C1GALT1: variants seen among roughly 807,000 people sequenced by gnomAD.
C1GALT1 encodes the protein core 1 synthase, glycoprotein-N-acetylgalactosamine 3-beta-galactosyltransferase 1, also known as glycoprotein-N-acetylgalactosamine 3-beta-galactosyltransferase 1.
C1GALT1 carries 11 observed loss-of-function variants against 31.0 expected under a neutral mutation model. The ratio of observed to expected loss-of-function variants is 0.36; its 90% CI spans 0.22 to 0.59. The LOEUF (loss-of-function observed/expected upper bound fraction) is 0.59. C1GALT1 is among the 20% of genes least tolerant of loss of function. The probability of loss-of-function intolerance (pLI) is 0.79; values close to 1 mark genes in which losing one functional copy is unlikely to be tolerated. For missense variants in C1GALT1, 424 were observed against 425.2 expected (o/e 1.00, Z 0.03); for synonymous variants, 175 against 143.6 (o/e 1.22, Z -1.56).
intron 1 of C1GALT1, among the ~76,000 whole-genome samples, chr7:7,202,299 C>T (rs888883319): frequency 5.9e-5 from 9 of 152,274 alleles, no homozygotes; most frequent in African/African-American, 1.7e-4. Context: ...TAAAAGTTCA[C>T]GGTGTGAGTC....
intron 1 of C1GALT1, among the ~76,000 whole-genome samples, chr7:7,196,189 A>T (rs1258917230): frequency 6.6e-6 from 1 of 150,818 alleles, no homozygotes; most frequent in African/African-American, 2.4e-5. Context: ...CATTAGGTAT[A>T]TCTCCTAATG....
At chr7:7,210,830 A>G (rs1465865064) in intron 1 of C1GALT1, among the ~76,000 whole-genome samples, 1 of 152,238 alleles carries the variant, frequency 6.6e-6, no homozygotes, top group Non-Finnish European at 1.5e-5. Flanking sequence ...TTTGCATATG[A>G]AAGGTTGCTG....
chr7:7,203,788 C>T (rs1781616331), intron 1 of C1GALT1, among the ~76,000 whole-genome samples: 1 of 151,996 alleles, frequency 6.6e-6, no homozygotes, highest in African/African-American at 2.4e-5. Flanking sequence ...ATTAGCATAT[C>T]CATGATCTCA....
intron 1 of C1GALT1, among the ~76,000 whole-genome samples, chr7:7,218,111 C>T (rs996403797): frequency 1.3e-5 from 2 of 152,092 alleles, no homozygotes; most frequent in Non-Finnish European, 2.9e-5. Context: ...GAAAGGGGAG[C>T]AGTGGAAAGT....
chr7:7,182,374 A>G (rs1011617270), upstream of C1GALT1, among the ~76,000 whole-genome samples: 12 of 152,206 alleles, frequency 7.9e-5, no homozygotes, highest in African/African-American at 2.7e-4. Flanking sequence ...AGGGGGATAC[A>G]ACAAAATCTA....
At position 7,218,896 on chromosome 7, in the gene C1GALT1, C is replaced by T. The variant is rs530006208; in HGVS notation, c.-17-15407C>T. On this transcript the variant is annotated intron_variant, in intron 1 of 3. Transcript: ENST00000436587. ...TCGCCCAGGCTGGAGTGCGGTGGTGCAATCTCGGCTCACTGCAAGCTCCGC... is the reference window on the plus strand; with the variant it reads ...TCGCCCAGGCTGGAGTGCGGTGGTGTAATCTCGGCTCACTGCAAGCTCCGC... 1.4e-3 allele frequency among the ~76,000 whole-genome samples: 211 copies of T among 150,316 alleles called. 10 individuals carry two copies. The highest frequency in any genetic ancestry group is 1.3e-3 in the South Asian group (6 of 4,760).
At chr7:7,241,624 G>A (rs1210935634) in intron 3 of C1GALT1, among the ~76,000 whole-genome samples, 2 of 151,798 alleles carry the variant, frequency 1.3e-5, no homozygotes, top group African/African-American at 4.8e-5. Flanking sequence ...CAATATTTTT[G>A]TTACTGTTCT....
intron 2 of C1GALT1, among the ~76,000 whole-genome samples, chr7:7,175,768 C>T (rs919367108): frequency 6.6e-6 from 1 of 152,002 alleles, no homozygotes; most frequent in African/African-American, 2.4e-5. Context: ...CTAGCAAGTC[C>T]AAGATCCACA....
upstream of C1GALT1, chr7:7,178,317 A>C: frequency 4.4e-6 from 1 of 229,312 alleles, no homozygotes; most frequent in South Asian, 7.9e-5. Context: ...GCTATGCATC[A>C]GACTGGTCAT....
intron 1 of C1GALT1, among the ~76,000 whole-genome samples, chr7:7,207,142 CTTT>C (rs1781774218): frequency 6.6e-6 from 1 of 151,936 alleles, no homozygotes; most frequent in South Asian, 2.1e-4. Context: ...AGCCGTTTTT[CTTT>C]GTTTTCCTAA....
intron 1 of C1GALT1, among the ~76,000 whole-genome samples, chr7:7,203,028 T>C (rs1781585486): frequency 6.6e-6 from 1 of 151,966 alleles, no homozygotes; most frequent in African/African-American, 2.4e-5. Flanking sequence ...CGTAAAAATG[T>C]AACTCATTTT....
chr7:7,183,242 C>T (rs1174144136), intron 1 of C1GALT1, among the ~76,000 whole-genome samples: 1 of 152,074 alleles, frequency 6.6e-6, no homozygotes, highest in Non-Finnish European at 1.5e-5. Flanking sequence ...CCTCCCCGCC[C>T]CGCCGCAGAC....
rs1446074380 is a variant in C1GALT1 at position 7,247,631 on chromosome 7, C to T, written c.*3904C>T. ...TTGATGCACTGTACTTGAAAGAATC[C>T]CTTGATTAAATTACATCTAGCATTT... On this transcript the variant is annotated 3_prime_UTR_variant, in exon 4 of 4. Transcript: ENST00000436587. The T allele has an allele frequency of 6.6e-6, 1 of 151,986 alleles. No homozygotes were observed. Among genetic ancestry groups the T allele is most frequent in the African/African-American group, 2.4e-5 (1 of 41,394 alleles). The allele number at this position is 151,986 out of a possible 1,614,324, so 9.4% of individuals were successfully genotyped here.
intron 1 of C1GALT1, among the ~76,000 whole-genome samples, chr7:7,227,249 A>G (rs1782807346): frequency 6.6e-6 from 1 of 152,220 alleles, no homozygotes; most frequent in African/African-American, 2.4e-5. Context: ...TATGGTTTGA[A>G]TATTTGTCCC....
intron 1 of C1GALT1, among the ~76,000 whole-genome samples, chr7:7,214,144 C>T (rs1030841073): frequency 1.3e-5 from 2 of 152,080 alleles, no homozygotes; most frequent in Non-Finnish European, 2.9e-5. Context: ...AATTTGATAC[C>T]CCCCAAACTT....
chr7:7,232,908 A>T (rs1445086407), intron 1 of C1GALT1, among the ~76,000 whole-genome samples: 1 of 152,152 alleles, frequency 6.6e-6, no homozygotes, highest in Non-Finnish European at 1.5e-5. Flanking sequence ...CTCTTTCCTC[A>T]TCTGCAGACG....
intron 1 of C1GALT1, among the ~76,000 whole-genome samples, chr7:7,196,373 T>G (rs1200251556): frequency 6.6e-6 from 1 of 152,156 alleles, no homozygotes; most frequent in Non-Finnish European, 1.5e-5. Context: ...TTCTTCCATG[T>G]CCCTACAGAG....
At position 7,238,001 on chromosome 7, in the gene C1GALT1, T is replaced by C. The variant is rs554792846; in HGVS notation, c.221-254T>C. 6.6e-6 allele frequency among the ~76,000 whole-genome samples: 1 copy of C among 152,286 alleles called. No homozygotes were observed. The highest frequency in any genetic ancestry group is 1.5e-5 in the Non-Finnish European group (1 of 68,012). The stretch of plus-strand genomic sequence containing the variant: ...ATGCTGCTGCTTTTAATCAGTAAAC[T>C]ACAGTTTGAGACGAATTTAGATTAT... On this transcript the variant is annotated intron_variant, in intron 2 of 3. Coordinates refer to ENST00000436587, the MANE Select transcript of C1GALT1 (RefSeq NM_020156.5). The surrounding 1 kb of genome is among the most constrained non-coding windows in gnomAD (Gnocchi z 5.2).
In C1GALT1 at chr7:7,247,971, T is replaced by C. The variant is rs1226687119; in HGVS notation, c.*4244T>C. The C allele has an allele frequency of 6.6e-6, 1 of 152,048 alleles. No individual in the cohort carries two copies. The highest frequency in any genetic ancestry group is 2.4e-5 in the African/African-American group (1 of 41,450). 9.4% of individuals were successfully genotyped at this position (152,048 alleles called of 1,614,324 possible). On this transcript the variant is annotated 3_prime_UTR_variant, in exon 4 of 4. Coordinates refer to ENST00000436587, the MANE Select transcript of C1GALT1 (RefSeq NM_020156.5). ...AAAATTAATTCTATGTCTACAATTA[T>C]TAAAGGAAGTAAAGTTATTTGGGTT...
Sources: allele counts gnomAD v4.1 joint callset (sites outside exome capture counted in the v4.1 genomes callset), GRCh38; gene constraint gnomAD v4.1.1; non-coding constraint Gnocchi (gnomAD v3.1); transcripts MANE v1.5; gene names NCBI Gene and HGNC (gene_info 2026-07-23, HGNC 2026-07-21).